The following THSD4 variants were observed in gnomAD, a reference collection of about 807,000 sequenced individuals.
THSD4 encodes the protein thrombospondin type-1 domain-containing protein 4.
In THSD4, 69 loss-of-function variants were observed where a neutral mutation model predicts 119.0. The observed-to-expected ratio is 0.58, with a 90% CI of 0.48 to 0.71. The LOEUF is 0.71. THSD4 is among the 30% of genes least tolerant of loss of function. The pLI, the probability that THSD4 is intolerant of heterozygous loss-of-function variation, is 0.00. For missense variants in THSD4, 1,393 were observed against 1,391.1 expected, an observed-to-expected ratio of 1.00 and a Z score of -0.02; for synonymous variants, 524 against 540.4, an observed-to-expected ratio of 0.97 and a Z score of 0.42.
rs1240660473 is a variant in THSD4 at position 71,242,858 on chromosome 15, A to G, written c.674A>G (p.Tyr225Cys). Residue 225 changes from tyrosine to cysteine, a missense_variant, in exon 5 of 18, where the codon TAC (tyrosine) becomes TGC (cysteine). By Grantham distance (194) the Tyr-to-Cys change is radical (BLOSUM62 -2). Transcript: ENST00000261862. ...AHQVPQHGPL[Y>C]QSDSGPRSGL... is the part of the protein sequence containing the mutation. ...CAGGTCCCCCAACATGGGCCTTTGTACCAAAGTGACAGTGGCCCTCGCTCT... is the reference window on the plus strand; with the variant it reads ...CAGGTCCCCCAACATGGGCCTTTGTGCCAAAGTGACAGTGGCCCTCGCTCT... 1.9e-6 allele frequency: 3 copies of G among 1,614,052 alleles called. No homozygotes were observed. The highest frequency in any genetic ancestry group is 2.5e-6 in the Non-Finnish European group (3 of 1,180,030).
intron 7 of THSD4, among the ~76,000 whole-genome samples, chr15:71,623,469 A>T (rs2050454417): frequency 6.6e-6 from 1 of 152,246 alleles, no homozygotes; most frequent in African/African-American, 2.4e-5. Flanking sequence ...GACCTACGCC[A>T]TCTGATACCT....
chr15:71,111,006 G>C, upstream of THSD4: 2 of 865,286 alleles, frequency 2.3e-6, no homozygotes, highest in Non-Finnish European at 3.5e-6. Flanking sequence ...TTCTCCTTCT[G>C]TCTGCATGTC....
At chr15:71,738,616 G>A (rs1265843064) in intron 11 of THSD4, among the ~76,000 whole-genome samples, 5 of 152,242 alleles carry the variant, frequency 3.3e-5, no homozygotes, top group African/African-American at 1.2e-4. Context: ...GCTTCCAGGT[G>A]TTGCCTCCAG....
At chr15:71,635,406 C>T (rs920424960) in intron 7 of THSD4, among the ~76,000 whole-genome samples, 1 of 152,042 alleles carries the variant, frequency 6.6e-6, no homozygotes, top group East Asian at 1.9e-4. Flanking sequence ...ATTTGAGGCA[C>T]CCTGGAAAAT....
At chr15:71,387,194 AC>A (rs1487837561) in intron 6 of THSD4, among the ~76,000 whole-genome samples, 1 of 150,674 alleles carries the variant, frequency 6.6e-6, no homozygotes, top group Non-Finnish European at 1.5e-5. Flanking sequence ...GCTAGGCATA[AC>A]TCATTAACGT....
chr15:71,584,848 G>A lies in THSD4; in HGVS notation c.1153-75682G>A, dbSNP rs141825415. ...AGTAGGCTTTGATTCCTTTCTCTTC[G>A]TACTTTGTGTGTCTACTAGTTTTTA... is the stretch of plus-strand genomic sequence containing the variant. On this transcript the variant is annotated intron_variant, in intron 7 of 17. Transcript: ENST00000261862. 3.8e-4 allele frequency among the ~76,000 whole-genome samples: 57 copies of A among 151,494 alleles called. 2 individuals carry two copies. The East Asian group carries it at 9.1e-3, about 24-fold the overall frequency.
At chr15:71,292,149 G>A (rs1201694235) in intron 6 of THSD4, among the ~76,000 whole-genome samples, 1 of 152,194 alleles carries the variant, frequency 6.6e-6, no homozygotes, top group African/African-American at 2.4e-5. Context: ...TTGTCTTCCA[G>A]CATTCTGCTT....
chr15:71,217,622 C>CAAA (rs972986637), intron 4 of THSD4, among the ~76,000 whole-genome samples: 1 of 95,596 alleles, frequency 1.0e-5, no homozygotes, highest in Non-Finnish European at 2.2e-5. Flanking sequence ...GACTCCGTCT[C>CAAA]AAAAAAAAAA....
intron 7 of THSD4, among the ~76,000 whole-genome samples, chr15:71,457,732 A>G (rs2047360828): frequency 6.6e-6 from 1 of 152,176 alleles, no homozygotes; most frequent in African/African-American, 2.4e-5. Context: ...CCTGTCTCCA[A>G]GACTTGTCCC....
chr15:71,207,840 G>A (rs190556295), intron 3 of THSD4, among the ~76,000 whole-genome samples: 50 of 152,288 alleles, frequency 3.3e-4, no homozygotes, highest in African/African-American at 1.2e-3. Context: ...TGGAAAAATT[G>A]TCTTTCATGG....
intron 6 of THSD4, among the ~76,000 whole-genome samples, chr15:71,272,789 G>C (rs924055351): frequency 6.6e-6 from 1 of 151,884 alleles, no homozygotes; most frequent in African/African-American, 2.4e-5. Flanking sequence ...ACTTGAACCC[G>C]GGAGGCGGAG....
chr15:71,224,200 A>G (rs1175518464), intron 4 of THSD4, among the ~76,000 whole-genome samples: 1 of 152,220 alleles, frequency 6.6e-6, no homozygotes, highest in Non-Finnish European at 1.5e-5. Flanking sequence ...TGTCATGTTC[A>G]TAAATGGTTT....
At chr15:71,278,721 G>A (rs1000580222) in intron 6 of THSD4, among the ~76,000 whole-genome samples, 12 of 152,152 alleles carry the variant, frequency 7.9e-5, no homozygotes, top group African/African-American at 2.9e-4. Flanking sequence ...TAGAGGGGTG[G>A]AGAAAGCCAA....
chr15:71,411,579 A>G, intron 6 of THSD4, 108 bp from the exon 7 acceptor site: 1 of 1,260,918 alleles, frequency 7.9e-7, no homozygotes, highest in East Asian at 2.5e-5. Context: ...TGTGTTATAC[A>G]AATTTTTCTC....
chr15:71,427,641 G>A (rs1206651386), intron 7 of THSD4, among the ~76,000 whole-genome samples: 1 of 149,132 alleles, frequency 6.7e-6, no homozygotes, highest in East Asian at 2.0e-4. Context: ...AAGTTGAGGT[G>A]ACCATTTTGT....
chr15:71,203,803 G>A (rs1178441424), intron 3 of THSD4, among the ~76,000 whole-genome samples: 1 of 152,208 alleles, frequency 6.6e-6, no homozygotes, highest in East Asian at 1.9e-4. Context: ...GCTGCGTGCT[G>A]TGTTCTCTGC....
intron 7 of THSD4, among the ~76,000 whole-genome samples, chr15:71,505,567 C>T (rs568508457): frequency 5.3e-5 from 8 of 152,082 alleles, no homozygotes; most frequent in African/African-American, 1.2e-4. Context: ...GGAAAAGCAG[C>T]GGTCAAAAGC....
intron 6 of THSD4, among the ~76,000 whole-genome samples, chr15:71,383,785 G>A (rs1212694329): frequency 6.6e-6 from 1 of 152,034 alleles, no homozygotes; most frequent in East Asian, 1.9e-4. Flanking sequence ...TAAAAATACA[G>A]GATAACAATC....
intron 7 of THSD4, among the ~76,000 whole-genome samples, chr15:71,646,172 G>A (rs2050965056): frequency 6.6e-6 from 1 of 152,270 alleles, no homozygotes; most frequent in South Asian, 2.1e-4. Flanking sequence ...TATTAAAATG[G>A]TAGTAAATAC....
Sources: allele counts gnomAD v4.1 joint callset (sites outside exome capture counted in the v4.1 genomes callset), GRCh38; gene constraint gnomAD v4.1.1; transcripts MANE v1.5; gene names NCBI Gene and HGNC (gene_info 2026-07-23, HGNC 2026-07-21).